The following TRAPPC9 variants were observed in gnomAD, a reference collection of about 807,000 sequenced individuals.
TRAPPC9 encodes IKK2 binding protein.
In TRAPPC9, 83 loss-of-function variants were observed where a neutral mutation model predicts 124.0. That is an observed-to-expected ratio of 0.67 (90% CI 0.56 to 0.80). TRAPPC9 has a LOEUF of 0.80. Among genes scored for constraint, TRAPPC9 ranks in the 30% least tolerant of loss-of-function variants. The pLI is 0.00. For missense variants in TRAPPC9, 1,302 were observed against 1,508.3 expected (o/e 0.86, Z 2.27); for synonymous variants, 638 against 617.5 (o/e 1.03, Z -0.49).
At chr8:140,420,260 A>C (rs2070154052) in intron 5 of TRAPPC9, among the ~76,000 whole-genome samples, 1 of 152,166 alleles carries the variant, frequency 6.6e-6, no homozygotes, top group Non-Finnish European at 1.5e-5. Flanking sequence ...ACAAGATATA[A>C]TCTTCTTAAA....
intron 15 of TRAPPC9, 130 bp downstream of exon 15, chr8:140,275,528 G>T: frequency 9.6e-7 from 1 of 1,037,608 alleles, no homozygotes; most frequent in Non-Finnish European, 1.5e-6. Context: ...GCCCTCGCCT[G>T]ACTTCTACTG....
chr8:139,773,361 C>G (rs1208847969), intron 21 of TRAPPC9, among the ~76,000 whole-genome samples: 1 of 152,240 alleles, frequency 6.6e-6, no homozygotes, highest in Admixed American at 6.5e-5. Context: ...CTGCCAGAGG[C>G]CCCGGCTACA....
At chr8:139,969,982 T>C (rs993584480) in intron 19 of TRAPPC9, among the ~76,000 whole-genome samples, 7 of 152,356 alleles carry the variant, frequency 4.6e-5, no homozygotes, top group African/African-American at 1.7e-4. Context: ...GTTTTCCACA[T>C]TGAAGTATTT....
chr8:140,233,623 C>CCACA lies in TRAPPC9; in HGVS notation c.2432-12044_2432-12041dup, dbSNP rs35452775. Among the ~76,000 whole-genome samples the CCACA allele has an allele frequency of 7.1e-3, 645 of 90,848 alleles. 10 individuals are homozygous for CCACA. Among genetic ancestry groups the CCACA allele is most frequent in the South Asian group, 0.029 (69 of 2,406 alleles). 59.6% of individuals were successfully genotyped at this position (90,848 alleles called of 152,430 possible). A position where few individuals can be genotyped will look rare whatever the true frequency, so the allele number is the denominator to read the frequency against. Reference sequence around the variant, plus strand: ...CCCTCCCTCCCTCCCTCTCTCCCCACCACACACACACACACACACACACAC... The same window carrying CCACA: ...CCCTCCCTCCCTCCCTCTCTCCCCACCACACACACACACACACACACACACACAC... On this transcript the variant is annotated intron_variant, in intron 16 of 22. Transcript: ENST00000438773.
chr8:140,037,205 G>C (rs1261319776), intron 17 of TRAPPC9, among the ~76,000 whole-genome samples: 2 of 151,996 alleles, frequency 1.3e-5, no homozygotes, highest in Non-Finnish European at 2.9e-5. Flanking sequence ...TTCCTGCCCA[G>C]GCCCCTGAGC....
intron 21 of TRAPPC9, among the ~76,000 whole-genome samples, chr8:139,834,231 G>A (rs576144823): frequency 1.3e-5 from 2 of 152,302 alleles, no homozygotes; most frequent in South Asian, 4.2e-4. Flanking sequence ...GCTAGGCTTG[G>A]CCAGGCAAGA....
intron 21 of TRAPPC9, among the ~76,000 whole-genome samples, chr8:139,829,772 G>A (rs1825853988): frequency 6.6e-6 from 1 of 152,236 alleles, no homozygotes; most frequent in African/African-American, 2.4e-5. Flanking sequence ...ATGGACATCT[G>A]CTCCTTACTG....
chr8:140,021,756 C>T (rs1170711430), intron 18 of TRAPPC9, among the ~76,000 whole-genome samples: 1 of 152,222 alleles, frequency 6.6e-6, no homozygotes, highest in Non-Finnish European at 1.5e-5. Context: ...ATCAGAAGTA[C>T]ATGTAATGTT....
At chr8:139,770,027 A>AG in intron 21 of TRAPPC9, among the ~76,000 whole-genome samples, 1 of 152,364 alleles carries the variant, frequency 6.6e-6, no homozygotes, top group South Asian at 2.1e-4. Context: ...GTGGTGGGCC[A>AG]GGCCCTGTGG....
rs996173803 is a variant in TRAPPC9, at chr8:140,035,407, C to T, written c.2557-11328G>A. 5.3e-5 allele frequency among the ~76,000 whole-genome samples: 8 copies of T among 152,264 alleles called. No homozygotes were observed. In the South Asian group the frequency reaches 1.0e-3, roughly 20 times the overall value. The stretch of plus-strand genomic sequence containing the variant: ...CTCAAGAGGAGACACTAAGGTGTTA[C>T]GCATGCAGGAAATTGATGGGGACCC... On this transcript the variant is annotated intron_variant, in intron 17 of 22. Coordinates refer to ENST00000438773, the MANE Select transcript of TRAPPC9 (RefSeq NM_001160372.4).
intron 17 of TRAPPC9, among the ~76,000 whole-genome samples, chr8:140,105,971 A>C (rs1362584584): frequency 6.6e-6 from 1 of 151,776 alleles, no homozygotes; most frequent in Non-Finnish European, 1.5e-5. Flanking sequence ...ACGAGCAATC[A>C]AAGGTCCAAG....
intron 17 of TRAPPC9, among the ~76,000 whole-genome samples, chr8:140,188,279 C>T (rs2062396483): frequency 6.6e-6 from 1 of 152,178 alleles, no homozygotes; most frequent in African/African-American, 2.4e-5. Context: ...ACAAAACATA[C>T]AGATAATAAA....
intron 19 of TRAPPC9, among the ~76,000 whole-genome samples, chr8:139,919,282 G>A (rs1440335987): frequency 1.3e-5 from 2 of 152,212 alleles, no homozygotes; most frequent in Admixed American, 6.5e-5. Context: ...GATCCACAAC[G>A]TGGATCTCCT....
At chr8:140,381,904 A>C (rs1337345578) in intron 7 of TRAPPC9, among the ~76,000 whole-genome samples, 1 of 152,224 alleles carries the variant, frequency 6.6e-6, no homozygotes, top group African/African-American at 2.4e-5. Flanking sequence ...ACAGTTCCTC[A>C]AAAAGTTAAA....
intron 17 of TRAPPC9, among the ~76,000 whole-genome samples, chr8:140,030,017 G>T (rs1455575396): frequency 1.3e-5 from 2 of 152,094 alleles, no homozygotes; most frequent in Non-Finnish European, 2.9e-5. Flanking sequence ...ATAAGCTATT[G>T]ACAGGCAACA....
intron 17 of TRAPPC9, among the ~76,000 whole-genome samples, chr8:140,034,848 C>T (rs964935502): frequency 3.3e-5 from 5 of 152,238 alleles, no homozygotes; most frequent in African/African-American, 9.7e-5. Context: ...CCTGCTCTTC[C>T]GGCAGCCCTA....
rs148429967 is a variant in TRAPPC9, at chr8:140,274,841, A to G, written c.2278+817T>C. Among the ~76,000 whole-genome samples the G allele has an allele frequency of 3.4e-3, 521 of 152,316 alleles. 2 individuals are homozygous for G. Among genetic ancestry groups the G allele is most frequent in the African/African-American group, 0.012 (496 of 41,562 alleles). ...ATCTACTGGAAACTTAACCAGAACC[A>G]GTCAAACTCCCCTTGTATGCCTGGT... On this transcript the variant is annotated intron_variant, in intron 15 of 22. Coordinates refer to ENST00000438773, the MANE Select transcript of TRAPPC9 (RefSeq NM_001160372.4).
rs1870692 is a variant in TRAPPC9, at chr8:139,817,603, C to A, written c.3055+68276G>T. 2.2e-3 allele frequency among the ~76,000 whole-genome samples: 334 copies of A among 152,208 alleles called. 3 individuals are homozygous for A. Among genetic ancestry groups the A allele is most frequent in the African/African-American group, 7.5e-3 (312 of 41,552 alleles). Reference sequence around the variant, plus strand: ...TAACCCCTTACCCGTGGATGCGTCCCGGCAGCAGGCGCCACGTGGCTGGTG... The same window carrying A: ...TAACCCCTTACCCGTGGATGCGTCCAGGCAGCAGGCGCCACGTGGCTGGTG... On this transcript the variant is annotated intron_variant, in intron 21 of 22. Coordinates refer to ENST00000438773, the MANE Select transcript of TRAPPC9 (RefSeq NM_001160372.4).
At chr8:140,122,330 C>T (rs1587751318) in intron 17 of TRAPPC9, among the ~76,000 whole-genome samples, 2 of 152,290 alleles carry the variant, frequency 1.3e-5, no homozygotes, top group East Asian at 3.9e-4. Context: ...TTGTCAGACT[C>T]TAAGCAGCTT....
Sources: gnomAD v4.1 joint callset for allele counts (sites outside exome capture counted in the v4.1 genomes callset) on GRCh38, gnomAD v4.1.1 for gene constraint, MANE v1.5 for transcripts, NCBI Gene and HGNC (gene_info 2026-07-23, HGNC 2026-07-21) for gene names.